The following RALGAPA2 variants were observed in gnomAD, a reference collection of about 807,000 sequenced individuals.
RALGAPA2 encodes Ral GTPase activating protein catalytic subunit alpha 2.
A neutral mutation model predicts 230.4 loss-of-function variants in RALGAPA2; 139 were observed. The observed-to-expected ratio is 0.60, with a 90% CI of 0.53 to 0.69. The LOEUF is 0.69. RALGAPA2 is among the 30% of genes least tolerant of loss of function. The pLI, the probability that RALGAPA2 is intolerant of heterozygous loss-of-function variation, is 0.00. For missense variants in RALGAPA2, 2,163 were observed against 2,276.0 expected, an observed-to-expected ratio of 0.95 and a Z score of 1.01; for synonymous variants, 847 against 837.8, an observed-to-expected ratio of 1.01 and a Z score of -0.19.
intron 36 of RALGAPA2, among the ~76,000 whole-genome samples, chr20:20,487,341 T>C (rs559214349): frequency 6.6e-6 from 1 of 152,332 alleles, no homozygotes; most frequent in East Asian, 1.9e-4. Flanking sequence ...TTAAATAAGA[T>C]CTGGGATGTG....
At chr20:20,619,222 A>C in intron 12 of RALGAPA2, 55 bp downstream of exon 12, 1 of 1,479,578 alleles carries the variant, frequency 6.8e-7, no homozygotes, top group Non-Finnish European at 9.0e-7. Flanking sequence ...AAAAAGACAA[A>C]ATGGCTCCAG....
chr20:20,706,203 T>C (rs1056785627), intron 1 of RALGAPA2, among the ~76,000 whole-genome samples: 2 of 152,218 alleles, frequency 1.3e-5, no homozygotes, highest in African/African-American at 2.4e-5. Flanking sequence ...TTAAACGAGT[T>C]TGGACATTTA....
chr20:20,449,014 G>T (rs2060928478), intron 37 of RALGAPA2, among the ~76,000 whole-genome samples: 1 of 152,150 alleles, frequency 6.6e-6, no homozygotes, highest in Non-Finnish European at 1.5e-5. Context: ...TTAACAACCT[G>T]AGGAGACAGA....
At chr20:20,544,472 T>C (rs1361312312) in intron 24 of RALGAPA2, among the ~76,000 whole-genome samples, 1 of 152,012 alleles carries the variant, frequency 6.6e-6, no homozygotes, top group South Asian at 2.1e-4. Context: ...TCCTCAAGGA[T>C]CTAGAACTAG....
At chr20:20,612,713 G>A (rs1482722689) in intron 13 of RALGAPA2, among the ~76,000 whole-genome samples, 1 of 152,144 alleles carries the variant, frequency 6.6e-6, no homozygotes, top group Non-Finnish European at 1.5e-5. Flanking sequence ...GGGCACACAC[G>A]CTGAAGCAGG....
At chr20:20,458,774 C>CTA (rs201840547) in intron 37 of RALGAPA2, among the ~76,000 whole-genome samples, 161 of 10,970 alleles carry the variant, frequency 0.015, 1 homozygote, top group African/African-American at 0.054. Context: ...ATATATAGAC[C>CTA]TATATATATA....
chr20:20,435,805 C>A (rs2060599493), intron 37 of RALGAPA2, among the ~76,000 whole-genome samples: 1 of 152,186 alleles, frequency 6.6e-6, no homozygotes, highest in South Asian at 2.1e-4. Flanking sequence ...GTGGACACTG[C>A]CACAGGCAGG....
intron 23 of RALGAPA2, among the ~76,000 whole-genome samples, chr20:20,566,458 T>G (rs1310062302): frequency 6.6e-6 from 1 of 152,188 alleles, no homozygotes; most frequent in Non-Finnish European, 1.5e-5. Flanking sequence ...CCTAGTTATG[T>G]TTTTTAGTCA....
At position 20,513,199 on chromosome 20, in the gene RALGAPA2, G is replaced by A. The variant is rs748220679; in HGVS notation, c.4170C>T (p.Pro1390=). ...AHLVNHLGHY[P]LSGGPAILHS... is the part of the protein sequence containing the mutation. ...GCAGTATGGCAGGGCCCCCACTGAG[G>A]GGGTAGTGCCCCAGGTGGTTCACCA... Residue 1390 remains proline (P), a synonymous_variant, in exon 32 of 40, where the codon CCC becomes CCT. Coordinates refer to ENST00000202677, the MANE Select transcript of RALGAPA2 (RefSeq NM_020343.4). 3 of 1,524,708 alleles carry A rather than the reference G, an allele frequency of 2.0e-6. No individual in the cohort carries two copies. Among genetic ancestry groups the A allele is most frequent in the Non-Finnish European group, 2.6e-6 (3 of 1,139,682 alleles). 94.4% of individuals were successfully genotyped at this position (1,524,708 alleles called of 1,614,324 possible).
At position 20,642,117 on chromosome 20, in the gene RALGAPA2, G is replaced by A. The variant is rs1421292631; in HGVS notation, c.373-1239C>T. ...CCATCAGACCGAGAGGGGAGGGGAG[G>A]GGAGGGGAGGGGAGGGGAGGGGAGA... is the stretch of plus-strand genomic sequence containing the variant. On this transcript the variant is annotated intron_variant, in intron 5 of 39. Transcript: ENST00000202677. Among the ~76,000 whole-genome samples the A allele has an allele frequency of 2.9e-3, 174 of 60,912 alleles. 2 individuals are homozygous for A. Among genetic ancestry groups the A allele is most frequent in the Admixed American group, 4.4e-3 (28 of 6,348 alleles). The allele number at this position is 60,912 out of a possible 152,430, so 40.0% of individuals were successfully genotyped here.
In RALGAPA2 at chr20:20,536,695, T is replaced by C. The variant is rs1206279969; in HGVS notation, c.3375A>G (p.Pro1125=). Residue 1125 remains proline, a synonymous_variant, in exon 25 of 40, where the codon CCA becomes CCG. Coordinates refer to ENST00000202677, the MANE Select transcript of RALGAPA2 (RefSeq NM_020343.4). ...YQEIPLLQSV[P]EVNEAITGTE... is the part of the protein sequence containing the mutation. ...TTCCTGTAATGGCCTCATTTACTTC[T>C]GGCACTGACTGCAGTAAAGGAATCT... 1.2e-6 allele frequency: 2 copies of C among 1,613,048 alleles called. No individual in the cohort carries two copies. Among genetic ancestry groups the C allele is most frequent in the African/African-American group, 1.3e-5 (1 of 74,916 alleles).
intron 1 of RALGAPA2, among the ~76,000 whole-genome samples, chr20:20,711,130 A>C (rs1158685134): frequency 6.6e-6 from 1 of 152,336 alleles, no homozygotes; most frequent in South Asian, 2.1e-4. Context: ...TGTAACCTCA[A>C]GGTATGTGAG....
At chr20:20,410,414 T>C (rs1412282587) in intron 38 of RALGAPA2, among the ~76,000 whole-genome samples, 1 of 152,186 alleles carries the variant, frequency 6.6e-6, no homozygotes, top group Non-Finnish European at 1.5e-5. Flanking sequence ...AGTAAAAAGC[T>C]TTCTCAAGAG....
At chr20:20,585,934 G>T (rs1241586134) in intron 18 of RALGAPA2, among the ~76,000 whole-genome samples, 2 of 151,870 alleles carry the variant, frequency 1.3e-5, no homozygotes, top group African/African-American at 4.8e-5. Context: ...TTAAAAGAAA[G>T]AATAATTATT....
chr20:20,596,634 A>G (rs2065463163), intron 16 of RALGAPA2, among the ~76,000 whole-genome samples: 1 of 152,214 alleles, frequency 6.6e-6, no homozygotes. Flanking sequence ...GAAGCTCACT[A>G]TCATAGTTGG....
rs1434544372 is a variant in RALGAPA2 at position 20,391,257 on chromosome 20, A to G, written c.*2032T>C. ...AAGCCTGAGTGATGGTGGCCAAGCT[A>G]TGCTGCCCAGATGTCTGGAATCATT... On this transcript the variant is annotated 3_prime_UTR_variant, in exon 40 of 40. Coordinates refer to ENST00000202677, the MANE Select transcript of RALGAPA2 (RefSeq NM_020343.4). 6.6e-6 allele frequency: 1 copy of G among 152,158 alleles called. No homozygotes were observed. The highest frequency in any genetic ancestry group is 1.9e-4 in the East Asian group (1 of 5,172). 9.4% of individuals were successfully genotyped at this position (152,158 alleles called of 1,614,324 possible).
intron 39 of RALGAPA2, among the ~76,000 whole-genome samples, 157 bp downstream of exon 39, chr20:20,396,538 G>C (rs1255983982): frequency 1.3e-5 from 2 of 152,234 alleles, no homozygotes; most frequent in Admixed American, 6.5e-5. Context: ...CAGACATGCA[G>C]GGGCAGGAGT....
At chr20:20,534,946 C>T (rs1341484950) in intron 26 of RALGAPA2, among the ~76,000 whole-genome samples, 1 of 152,180 alleles carries the variant, frequency 6.6e-6, no homozygotes. Context: ...ATCAGTTTAG[C>T]TTCTGGTAAA....
chr20:20,602,707 C>T (rs916124937), intron 15 of RALGAPA2, among the ~76,000 whole-genome samples: 4 of 152,126 alleles, frequency 2.6e-5, no homozygotes, highest in East Asian at 1.9e-4. Flanking sequence ...ATAATGTGTT[C>T]GGTACATTTT....
Sources: allele counts gnomAD v4.1 joint callset (sites outside exome capture counted in the v4.1 genomes callset), GRCh38; gene constraint gnomAD v4.1.1; transcripts MANE v1.5; gene names NCBI Gene and HGNC (gene_info 2026-07-23, HGNC 2026-07-21).